TRAPPC9: variants seen among roughly 807,000 people sequenced by gnomAD.
The protein encoded by TRAPPC9 is trafficking protein particle complex subunit 9, also known as IKK2 binding protein.
TRAPPC9 carries 83 observed loss-of-function variants against 124.0 expected under a neutral mutation model. The observed-to-expected ratio is 0.67, with a 90% CI of 0.56 to 0.80. TRAPPC9 has a LOEUF of 0.80. Ranked by LOEUF, TRAPPC9 falls within the 30% of genes least tolerant of loss-of-function variation. The pLI is 0.00. For synonymous variants in TRAPPC9, 638 were observed against 617.5 expected, an observed-to-expected ratio of 1.03 and a Z score of -0.49; for missense variants, 1,302 against 1,508.3, an observed-to-expected ratio of 0.86 and a Z score of 2.27.
At chr8:139,764,132 T>C (rs115431306) in intron 21 of TRAPPC9, among the ~76,000 whole-genome samples, 2,906 of 152,144 alleles carry the variant, frequency 0.019, 81 homozygotes, top group African/African-American at 0.063. Context: ...GTGGGGACTG[T>C]GTTGGCATGG....
At chr8:140,363,080 G>C (rs562309643) in intron 8 of TRAPPC9, among the ~76,000 whole-genome samples, 14 of 152,164 alleles carry the variant, frequency 9.2e-5, no homozygotes, top group Non-Finnish European at 1.9e-4. Context: ...CACCAATTTG[G>C]AGGTTTATTT....
intron 17 of TRAPPC9, among the ~76,000 whole-genome samples, chr8:140,035,626 G>A (rs1452036129): frequency 1.3e-5 from 2 of 152,130 alleles, no homozygotes; most frequent in African/African-American, 2.4e-5. Flanking sequence ...AGCAACTGTC[G>A]TTCGGCAAGG....
At chr8:140,351,024 C>A (rs74838395) in intron 9 of TRAPPC9, among the ~76,000 whole-genome samples, 1 of 151,452 alleles carries the variant, frequency 6.6e-6, no homozygotes, top group East Asian at 2.0e-4. Flanking sequence ...GCAGTCAGGG[C>A]GAGAAAGCAG....
At position 139,910,162 on chromosome 8, in the gene TRAPPC9, G is replaced by A. The variant is rs746965088; in HGVS notation, c.2949C>T (p.Gly983=). 2 of 1,613,822 alleles carry A rather than the reference G, an allele frequency of 1.2e-6. No homozygotes were observed. The highest frequency in any genetic ancestry group is 2.2e-5 in the South Asian group (2 of 91,078). Reference sequence around the variant, plus strand: ...AAAAGGATATGATTCTCCAGCAGATGCCCAGCTTGCTGTGGATCTCCAGGC... The same window carrying A: ...AAAAGGATATGATTCTCCAGCAGATACCCAGCTTGCTGTGGATCTCCAGGC... ...ARGLEIHSKL[G]ICWRIPSLKR... The change falls in exon 20 of 23, where the codon GGC becomes GGT. Residue 983 remains glycine, a synonymous_variant. Transcript: ENST00000438773.
chr8:140,292,363 G>A (rs912782834), intron 11 of TRAPPC9, among the ~76,000 whole-genome samples: 2 of 152,220 alleles, frequency 1.3e-5, no homozygotes, highest in East Asian at 3.8e-4. Flanking sequence ...CAGCAAGCGA[G>A]AGGAGCTGCT....
chr8:140,110,136 GGCTCT>G (rs145764908), intron 17 of TRAPPC9, among the ~76,000 whole-genome samples: 33,928 of 150,270 alleles, frequency 0.23, 5,763 homozygotes, highest in African/African-American at 0.48. Context: ...TAGACTGCCA[GGCTCT>G]GCTCTGCTCT....
At chr8:139,970,184 G>A (rs773299365) in intron 19 of TRAPPC9, among the ~76,000 whole-genome samples, 3 of 152,186 alleles carry the variant, frequency 2.0e-5, no homozygotes, top group Non-Finnish European at 4.4e-5. Context: ...ACAGGCGCCA[G>A]CGATGCCCAA....
intron 21 of TRAPPC9, among the ~76,000 whole-genome samples, chr8:139,860,963 C>T (rs1017477893): frequency 3.9e-5 from 6 of 152,202 alleles, no homozygotes; most frequent in Non-Finnish European, 5.9e-5. Context: ...CTGTGGCTGC[C>T]GGTGGAGCAG....
chr8:139,974,329 A>G (rs985066936), intron 19 of TRAPPC9, among the ~76,000 whole-genome samples: 61 of 152,212 alleles, frequency 4.0e-4, no homozygotes, highest in African/African-American at 1.4e-3. Flanking sequence ...CAGGAAGGGC[A>G]GGAATTCCTG....
intron 17 of TRAPPC9, among the ~76,000 whole-genome samples, chr8:140,208,970 T>C (rs183406456): frequency 5.6e-4 from 86 of 152,330 alleles, no homozygotes; most frequent in African/African-American, 2.0e-3. Flanking sequence ...TTTGGGTGTA[T>C]GGAAGATCCT....
intron 19 of TRAPPC9, among the ~76,000 whole-genome samples, chr8:139,930,389 T>G (rs1833070660): frequency 6.6e-6 from 1 of 152,124 alleles, no homozygotes; most frequent in African/African-American, 2.4e-5. Context: ...CCAGTCAACT[T>G]CTCCCGTGGT....
intron 17 of TRAPPC9, among the ~76,000 whole-genome samples, chr8:140,203,337 G>A (rs1318536371): frequency 1.3e-5 from 2 of 152,202 alleles, no homozygotes; most frequent in Admixed American, 6.5e-5. Context: ...CTCTGGGCAG[G>A]AGGAATGTGA....
chr8:139,788,810 G>A lies in TRAPPC9; in HGVS notation c.3056-56608C>T, dbSNP rs533332930. On this transcript the variant is annotated intron_variant, in intron 21 of 22. Coordinates refer to ENST00000438773, the MANE Select transcript of TRAPPC9 (RefSeq NM_001160372.4). The surrounding 1 kb of genome is among the most constrained non-coding windows in gnomAD (Gnocchi z 4.9). ...AATCACACAACACCCTGGGCCAGCT[G>A]CCTTCACAAGAGGTGTGGTGGGGGG... Among the ~76,000 whole-genome samples, 1 of 152,338 alleles carries A rather than the reference G, an allele frequency of 6.6e-6. No homozygotes were observed. The highest frequency in any genetic ancestry group is 2.1e-4 in the South Asian group (1 of 4,832).
intron 6 of TRAPPC9, among the ~76,000 whole-genome samples, chr8:140,404,909 CGTGT>C (rs71320356): frequency 0.025 from 3,048 of 120,030 alleles, 38 homozygotes; most frequent in African/African-American, 0.036. Flanking sequence ...TGTGAGCATG[CGTGT>C]GTGTGTGTGT....
intron 7 of TRAPPC9, among the ~76,000 whole-genome samples, chr8:140,394,618 C>T (rs981287067): frequency 1.3e-5 from 2 of 152,162 alleles, no homozygotes; most frequent in Non-Finnish European, 2.9e-5. Flanking sequence ...TTCTCTCTTG[C>T]CCACCTGATG....
At chr8:139,795,916 C>A (rs1823028893) in intron 21 of TRAPPC9, among the ~76,000 whole-genome samples, 1 of 152,144 alleles carries the variant, frequency 6.6e-6, no homozygotes, top group African/African-American at 2.4e-5. Flanking sequence ...ACTGAACAAA[C>A]ACAACACAGG....
intron 10 of TRAPPC9, among the ~76,000 whole-genome samples, chr8:140,309,833 A>G (rs539849499): frequency 1.4e-4 from 22 of 152,286 alleles, no homozygotes; most frequent in Admixed American, 7.2e-4. Context: ...CCCTCCAAAC[A>G]GCGGTGTTGC....
At chr8:140,331,370 A>C (rs1212150225) in intron 9 of TRAPPC9, among the ~76,000 whole-genome samples, 1 of 152,206 alleles carries the variant, frequency 6.6e-6, no homozygotes, top group African/African-American at 2.4e-5. Flanking sequence ...CAAATCTAAT[A>C]GAAGAAAAAC....
chr8:140,434,420 A>T (rs566004430), intron 4 of TRAPPC9, among the ~76,000 whole-genome samples: 1 of 152,176 alleles, frequency 6.6e-6, no homozygotes, highest in South Asian at 2.1e-4. Context: ...CAAATCAAAC[A>T]ACTCATTGAG....
Sources: allele counts gnomAD v4.1 joint callset (sites outside exome capture counted in the v4.1 genomes callset), GRCh38; gene constraint gnomAD v4.1.1; non-coding constraint Gnocchi (gnomAD v3.1); transcripts MANE v1.5; gene names NCBI Gene and HGNC (gene_info 2026-07-23, HGNC 2026-07-21).